TUT7: variants seen among roughly 807,000 people sequenced by gnomAD.
TUT7 encodes the protein terminal uridylyltransferase 7.
TUT7 carries 33 observed loss-of-function variants against 165.9 expected under a neutral mutation model. That is an observed-to-expected ratio of 0.20 (90% CI 0.15 to 0.27). The LOEUF is 0.27. Among genes scored for constraint, TUT7 ranks in the 10% least tolerant of loss-of-function variants. The probability of loss-of-function intolerance (pLI) is 1.00; values close to 1 mark genes in which losing one functional copy is unlikely to be tolerated. For synonymous variants in TUT7, 552 were observed against 608.1 expected (o/e 0.91, Z 1.36); for missense variants, 1,338 against 1,762.3 (o/e 0.76, Z 4.31).
chr9:86,309,377 T>G, intron 20 of TUT7, 86 bp downstream of exon 20: 1 of 1,448,578 alleles, frequency 6.9e-7, no homozygotes, highest in Non-Finnish European at 9.5e-7. Flanking sequence ...AAAAATTAAC[T>G]ACAGAACCAC....
In TUT7 at chr9:86,323,288, T is replaced by C. The variant is rs764044754; in HGVS notation, c.2462A>G (p.Glu821Gly). The change falls in exon 13 of 27, where the codon GAG becomes GGG. Residue 821 changes from glutamate (E) to glycine (G), a missense_variant. Around this residue, in one of 7 missense-constraint regions of TUT7, gnomAD observed 425 missense variants for 474.9 expected, o/e 0.89. Transcript: ENST00000375963. ...DLDGESTEGTEELEDSLNHFT... is the reference protein window; with the variant it reads ...DLDGESTEGTGELEDSLNHFT... Reference sequence around the variant, plus strand: ...GTGGTTTAGAGAGTCTTCTAGTTCCTCAGTACCTTCTGTACTTTCTCCATC... The same window carrying C: ...GTGGTTTAGAGAGTCTTCTAGTTCCCCAGTACCTTCTGTACTTTCTCCATC... 1.9e-6 allele frequency: 3 copies of C among 1,614,096 alleles called. No homozygotes were observed. In the East Asian group the frequency reaches 6.7e-5, roughly 36 times the overall value.
intron 6 of TUT7, among the ~76,000 whole-genome samples, chr9:86,341,846 T>A (rs192240306): frequency 1.8e-4 from 27 of 152,290 alleles, no homozygotes; most frequent in Non-Finnish European, 2.6e-4. Context: ...TGTCATTTTC[T>A]ATCCCTGAAC....
intron 22 of TUT7, 33 bp from the exon 23 acceptor site, chr9:86,305,272 A>G: frequency 6.8e-7 from 1 of 1,461,472 alleles, no homozygotes; most frequent in Non-Finnish European, 9.3e-7. Flanking sequence ...AAATAAGGTA[A>G]TCAAATAGAA....
rs1259832767 is a variant in TUT7, at chr9:86,311,846, T to G, written c.3275-1037A>C. Among the ~76,000 whole-genome samples the G allele has an allele frequency of 6.6e-6, 1 of 152,216 alleles. No homozygotes were observed. Among genetic ancestry groups the G allele is most frequent in the Non-Finnish European group, 1.5e-5 (1 of 68,032 alleles). ...TGTGTTGGCCGGGCTGGTCTCCAGC[T>G]CCTAACCACGAGTGATCCGCCAGCC... On this transcript the variant is annotated intron_variant, in intron 17 of 26. Coordinates refer to ENST00000375963, the MANE Select transcript of TUT7 (RefSeq NM_024617.4). The surrounding 1 kb of genome is among the most constrained non-coding windows in gnomAD (Gnocchi z 4.4).
At chr9:86,346,608 G>T (rs1460354322) in intron 2 of TUT7, 128 bp from the exon 3 acceptor site, 26 of 947,470 alleles carry the variant, frequency 2.7e-5, no homozygotes, top group Non-Finnish European at 4.1e-5. Context: ...CAGAAGGAAA[G>T]GTAGCTGTCC....
chr9:86,332,701 AAAAT>A (rs1830430595), intron 10 of TUT7, among the ~76,000 whole-genome samples: 1 of 152,226 alleles, frequency 6.6e-6, no homozygotes, highest in South Asian at 2.1e-4. Context: ...CTGAAAGTTA[AAAAT>A]AAATAAATAA....
intron 26 of TUT7, among the ~76,000 whole-genome samples, chr9:86,290,614 G>A (rs1825823942): frequency 6.6e-6 from 1 of 151,630 alleles, no homozygotes; most frequent in Non-Finnish European, 1.5e-5. Context: ...GGCCAAGGCG[G>A]GCAGACTGCC....
At chr9:86,308,374 C>T in intron 22 of TUT7, 55 bp downstream of exon 22, 1 of 1,475,610 alleles carries the variant, frequency 6.8e-7, no homozygotes. Context: ...AGAACAATGT[C>T]CTTATAGTTC....
intron 10 of TUT7, among the ~76,000 whole-genome samples, chr9:86,332,226 G>T (rs967933898): frequency 6.6e-6 from 1 of 152,068 alleles, no homozygotes; most frequent in African/African-American, 2.4e-5. Context: ...CTACCATAAA[G>T]ACACAGGCAT....
intron 8 of TUT7, 26 bp from the exon 9 acceptor site, chr9:86,338,975 G>T: frequency 6.5e-7 from 1 of 1,531,958 alleles, no homozygotes; most frequent in South Asian, 1.3e-5. Context: ...GGAGGAGGAT[G>T]GGAAAGAAAA....
In TUT7 at chr9:86,338,949, A is replaced by T. The variant is rs890292000; in HGVS notation, c.1209T>A (p.Ser403Arg). The change falls in exon 9 of 27, where the codon AGT becomes AGA. Residue 403 changes from serine (S) to arginine (R), a missense_variant and splice_region_variant. By Grantham distance (110) the Ser-to-Arg change is moderately radical (BLOSUM62 -1). Coordinates refer to ENST00000375963, the MANE Select transcript of TUT7 (RefSeq NM_024617.4). The part of the protein sequence containing the change: ...VPVVVCREKQ[S>R]GLLCKVSAGN... Reference sequence around the variant, plus strand: ...CTGCGCTCACTTTACACAGAAGACCACTGGTGAGAGGTGGGGGAGGAGGAT... The same window carrying T: ...CTGCGCTCACTTTACACAGAAGACCTCTGGTGAGAGGTGGGGGAGGAGGAT... 6.3e-7 allele frequency: 1 copy of T among 1,593,258 alleles called. No individual in the cohort carries two copies. Among genetic ancestry groups the T allele is most frequent in the Non-Finnish European group, 8.6e-7 (1 of 1,168,852 alleles).
At chr9:86,348,696 G>A (rs1249194631) in intron 2 of TUT7, among the ~76,000 whole-genome samples, 1 of 152,120 alleles carries the variant, frequency 6.6e-6, no homozygotes, top group Non-Finnish European at 1.5e-5. Context: ...AGGCTGTGGT[G>A]AGTCATGATT....
At chr9:86,352,462 A>G in intron 2 of TUT7, 1 of 624,696 alleles carries the variant, frequency 1.6e-6, no homozygotes, top group Non-Finnish European at 2.8e-6. Flanking sequence ...CCTGGGGCAA[A>G]GTAAACTTTT....
intron 10 of TUT7, among the ~76,000 whole-genome samples, chr9:86,330,799 G>A (rs1453843336): frequency 6.6e-6 from 1 of 151,806 alleles, no homozygotes; most frequent in African/African-American, 2.4e-5. Context: ...TTGAATTTAA[G>A]CATTTAAATC....
At chr9:86,346,629 A>G in intron 2 of TUT7, 149 bp from the exon 3 acceptor site, 1 of 744,686 alleles carries the variant, frequency 1.3e-6, no homozygotes, top group Non-Finnish European at 2.2e-6. Flanking sequence ...TATGGACAAA[A>G]TGCTTTAATA....
intron 14 of TUT7, 152 bp from the exon 15 acceptor site, chr9:86,319,822 A>G: frequency 3.2e-6 from 2 of 626,800 alleles, no homozygotes. Context: ...TAGCATTAAC[A>G]AGGTAAAGTT....
intron 21 of TUT7, 64 bp downstream of exon 21, chr9:86,309,148 A>G: frequency 1.0e-6 from 1 of 985,566 alleles, no homozygotes; most frequent in Non-Finnish European, 1.6e-6. Flanking sequence ...TTGAACATCT[A>G]CACTGTAGTA....
At chr9:86,307,904 G>A (rs796244547) in intron 22 of TUT7, among the ~76,000 whole-genome samples, 45 of 152,256 alleles carry the variant, frequency 3.0e-4, no homozygotes, top group African/African-American at 1.0e-3. Context: ...TGAGGCAGGA[G>A]AATTGCTTGA....
chr9:86,307,088 T>G (rs1428832451), intron 22 of TUT7, among the ~76,000 whole-genome samples: 1 of 151,984 alleles, frequency 6.6e-6, no homozygotes, highest in Non-Finnish European at 1.5e-5. Context: ...CTTGCCAACA[T>G]GGTGAAACCC....
Sources: gnomAD v4.1 joint callset for allele counts (sites outside exome capture counted in the v4.1 genomes callset) on GRCh38, gnomAD v4.1.1 for gene constraint, gnomAD v4.1.1 regional missense constraint, Gnocchi (gnomAD v3.1) non-coding constraint, MANE v1.5 for transcripts, NCBI Gene and HGNC (gene_info 2026-07-23, HGNC 2026-07-21) for gene names.